SLC1A2: variants seen among roughly 807,000 people sequenced by gnomAD.
SLC1A2 encodes solute carrier family 1 member 2.
In SLC1A2, 15 loss-of-function variants were observed where a neutral mutation model predicts 48.8. The observed-to-expected ratio is 0.31, with a 90% CI of 0.21 to 0.47. The LOEUF (loss-of-function observed/expected upper bound fraction) is 0.47, where lower values mean the gene tolerates loss of function less well. SLC1A2 is among the 20% of genes least tolerant of loss of function. The pLI is 0.99. For missense variants in SLC1A2, 502 were observed against 730.5 expected, an observed-to-expected ratio of 0.69 and a Z score of 3.61; for synonymous variants, 279 against 272.6, an observed-to-expected ratio of 1.02 and a Z score of -0.23.
At chr11:35,291,179 T>C (rs2134740809) in intron 7 of SLC1A2, among the ~76,000 whole-genome samples, 1 of 152,318 alleles carries the variant, frequency 6.6e-6, no homozygotes, top group African/African-American at 2.4e-5. Flanking sequence ...CCCAAGGACA[T>C]ATGTGCAGAA....
intron 4 of SLC1A2, among the ~76,000 whole-genome samples, chr11:35,311,201 C>G (rs1030531985): frequency 6.6e-6 from 1 of 151,926 alleles, no homozygotes; most frequent in South Asian, 2.1e-4. Flanking sequence ...TATGTCACTC[C>G]GTCTCCCAGG....
At chr11:35,321,856 C>A (rs1852080348) in intron 1 of SLC1A2, among the ~76,000 whole-genome samples, 1 of 152,114 alleles carries the variant, frequency 6.6e-6, no homozygotes, top group Non-Finnish European at 1.5e-5. Flanking sequence ...TGGCTGTGCA[C>A]ACAGAACAAA....
chr11:35,353,104 T>G (rs1272424977), intron 1 of SLC1A2, among the ~76,000 whole-genome samples: 3 of 152,332 alleles, frequency 2.0e-5, no homozygotes, highest in Middle Eastern at 3.4e-3. Flanking sequence ...ATATCAACAT[T>G]TATCTACTAT....
intron 1 of SLC1A2, among the ~76,000 whole-genome samples, chr11:35,386,944 A>G (rs550485420): frequency 1.3e-5 from 2 of 152,092 alleles, no homozygotes; most frequent in East Asian, 1.9e-4. Flanking sequence ...CCCCTTTTTT[A>G]TTTGTTGTAG....
At chr11:35,338,177 C>A (rs1442150697) in intron 1 of SLC1A2, among the ~76,000 whole-genome samples, 2 of 151,626 alleles carry the variant, frequency 1.3e-5, no homozygotes, top group Non-Finnish European at 2.9e-5. Context: ...TATTGTTTAC[C>A]TATTGTCTAC....
chr11:35,306,322 A>AT lies in SLC1A2; in HGVS notation c.562-81dup, dbSNP rs374728026. ...AAAAAAAAAGATTGGCTACTCATATATTTTAAGGTTCCCAACAGGTTAACA... is the reference window on the plus strand; with the variant it reads ...AAAAAAAAAGATTGGCTACTCATATATTTTTAAGGTTCCCAACAGGTTAACA... On this transcript the variant is annotated intron_variant, in intron 4 of 10. Coordinates refer to ENST00000278379, the MANE Select transcript of SLC1A2 (RefSeq NM_004171.4). 1.3e-3 allele frequency: 1,440 copies of AT among 1,136,922 alleles called. 15 individuals carry two copies. In the African/African-American group the frequency reaches 0.019, roughly 15 times the overall value. The allele number at this position is 1,136,922 out of a possible 1,614,324, so 70.4% of individuals were successfully genotyped here.
At chr11:35,350,319 T>C (rs985055585) in intron 1 of SLC1A2, among the ~76,000 whole-genome samples, 2 of 152,206 alleles carry the variant, frequency 1.3e-5, no homozygotes, top group African/African-American at 2.4e-5. Context: ...TTTTATCTTG[T>C]AGGATATGGG....
At chr11:35,307,023 C>T (rs1432639475) in intron 4 of SLC1A2, 1 of 151,762 alleles carries the variant, frequency 6.6e-6, no homozygotes, top group Non-Finnish European at 1.5e-5. Context: ...GATGCTCTTC[C>T]CAATTGTGAG....
intron 1 of SLC1A2, among the ~76,000 whole-genome samples, chr11:35,336,566 G>A (rs530452977): frequency 1.3e-5 from 2 of 152,256 alleles, no homozygotes; most frequent in African/African-American, 4.8e-5. Context: ...GCAAGTAGGA[G>A]GAAGGAACAA....
chr11:35,282,213 G>T (rs7122176), intron 8 of SLC1A2, among the ~76,000 whole-genome samples: 5,001 of 151,898 alleles, frequency 0.033, 263 homozygotes, highest in African/African-American at 0.12. Context: ...TCCCCTCCCC[G>T]TCCATGGTGT....
intron 1 of SLC1A2, among the ~76,000 whole-genome samples, chr11:35,377,935 T>C (rs1007350845): frequency 8.5e-5 from 13 of 152,250 alleles, no homozygotes; most frequent in Non-Finnish European, 1.2e-4. Context: ...ATTCACAACC[T>C]ATTTCACTAA....
chr11:35,306,012 G>C (rs1354308832), intron 5 of SLC1A2, 62 bp downstream of exon 5: 6 of 1,487,316 alleles, frequency 4.0e-6, no homozygotes, highest in Non-Finnish European at 2.8e-6. Flanking sequence ...TTCTGAAAAG[G>C]GAGTGCAGGA....
upstream of SLC1A2, chr11:35,420,121 C>G (rs1855742481): frequency 1.5e-5 from 3 of 203,032 alleles, no homozygotes; most frequent in Non-Finnish European, 2.1e-5. Flanking sequence ...GGGCGGGGTG[C>G]AGGGGAGGCC....
intron 1 of SLC1A2, among the ~76,000 whole-genome samples, chr11:35,364,013 C>A (rs779000386): frequency 6.6e-6 from 1 of 152,198 alleles, no homozygotes; most frequent in African/African-American, 2.4e-5. Flanking sequence ...GACCCAGGAC[C>A]CTGCACTGTT....
intron 1 of SLC1A2, among the ~76,000 whole-genome samples, chr11:35,369,388 C>T (rs1194880340): frequency 6.6e-6 from 1 of 152,206 alleles, no homozygotes; most frequent in African/African-American, 2.4e-5. Flanking sequence ...CATCCTCATA[C>T]TAGAATCAGC....
At chr11:35,280,843 A>G (rs751730759) in intron 9 of SLC1A2, 24 bp downstream of exon 9, 1 of 1,560,698 alleles carries the variant, frequency 6.4e-7, no homozygotes, top group Non-Finnish European at 8.7e-7. Context: ...CAGTCCCAGC[A>G]GAACCCCATC....
intron 2 of SLC1A2, chr11:35,316,559 C>T (rs1851885911): frequency 6.6e-6 from 1 of 152,242 alleles, no homozygotes; most frequent in Non-Finnish European, 1.5e-5. Context: ...AGGCATCTGT[C>T]TCAAAGGAAA....
At chr11:35,366,122 T>C (rs146913630) in intron 1 of SLC1A2, among the ~76,000 whole-genome samples, 17 of 152,352 alleles carry the variant, frequency 1.1e-4, no homozygotes, top group African/African-American at 2.9e-4. Context: ...TAGAGTTTAT[T>C]ATACTTATGA....
At chr11:35,412,756 T>C (rs1244457658) in intron 1 of SLC1A2, among the ~76,000 whole-genome samples, 1 of 152,224 alleles carries the variant, frequency 6.6e-6, no homozygotes, top group African/African-American at 2.4e-5. Flanking sequence ...CAGGGCCTGC[T>C]ATAAGCTCAG....
Sources: gnomAD v4.1 joint callset for allele counts (sites outside exome capture counted in the v4.1 genomes callset) on GRCh38, gnomAD v4.1.1 for gene constraint, MANE v1.5 for transcripts, NCBI Gene and HGNC (gene_info 2026-07-23, HGNC 2026-07-21) for gene names.